Variants in PDLIM5 observed in about 807,000 individuals in gnomAD.
PDLIM5 encodes PDZ and LIM domain 5.
Under a neutral mutation model 64.2 loss-of-function variants are expected in PDLIM5, and 34 were observed. The ratio of observed to expected loss-of-function variants is 0.53; its 90% CI spans 0.40 to 0.71. The LOEUF is 0.71. Ranked by LOEUF, PDLIM5 falls within the 30% of genes least tolerant of loss-of-function variation. The probability of loss-of-function intolerance (pLI) is 0.00; values close to 1 mark genes in which losing one functional copy is unlikely to be tolerated. For missense variants in PDLIM5, 683 were observed against 733.6 expected (o/e 0.93, Z 0.80); for synonymous variants, 253 against 269.1 (o/e 0.94, Z 0.59).
intron 3 of PDLIM5, among the ~76,000 whole-genome samples, chr4:94,546,536 G>T (rs1732334311): frequency 6.6e-6 from 1 of 152,084 alleles, no homozygotes; most frequent in South Asian, 2.1e-4. Context: ...GTTCCAAACA[G>T]ATTCTTTTTC....
chr4:94,603,687 G>A (rs10034824), intron 7 of PDLIM5, among the ~76,000 whole-genome samples: 18 of 151,978 alleles, frequency 1.2e-4, no homozygotes, highest in African/African-American at 4.3e-4. Context: ...ATGTGTGTGC[G>A]CACGCGCGCG....
chr4:94,663,769 A>G (rs1375965242), intron 12 of PDLIM5, among the ~76,000 whole-genome samples: 1 of 152,238 alleles, frequency 6.6e-6, no homozygotes, highest in Non-Finnish European at 1.5e-5. Flanking sequence ...AATACATTCT[A>G]GGAAAAAGCA....
chr4:94,573,329 TTTTC>T lies in PDLIM5; in HGVS notation c.249-14_249-11del, dbSNP rs1734963581. The stretch of plus-strand genomic sequence containing the variant: ...TAAAAATTCATTATTTTTTTTTTCT[TTTTC>T]TTTCTTTTTTTCCTCAGAGCATCTG... On this transcript the variant is annotated intron_variant, in intron 3 of 12. Transcript: ENST00000317968. 1.3e-6 allele frequency: 2 copies of T among 1,596,898 alleles called. No individual in the cohort carries two copies. The highest frequency in any genetic ancestry group is 2.7e-5 in the African/African-American group (2 of 74,098).
intron 3 of PDLIM5, among the ~76,000 whole-genome samples, chr4:94,553,144 A>G (rs1351785707): frequency 1.3e-5 from 2 of 152,028 alleles, no homozygotes; most frequent in African/African-American, 4.8e-5. Context: ...TATTATTTTG[A>G]GACGGGGTCT....
At chr4:94,610,913 A>T (rs1000886578) in intron 7 of PDLIM5, among the ~76,000 whole-genome samples, 6 of 152,048 alleles carry the variant, frequency 3.9e-5, no homozygotes, top group Admixed American at 3.9e-4. Context: ...ATCTTCTTTC[A>T]TCCTCCTTTG....
chr4:94,529,366 C>T (rs549315019), intron 3 of PDLIM5, among the ~76,000 whole-genome samples: 1 of 152,058 alleles, frequency 6.6e-6, no homozygotes, highest in Non-Finnish European at 1.5e-5. Flanking sequence ...AAGGAGAGAA[C>T]GAAACCCAGT....
intron 7 of PDLIM5, among the ~76,000 whole-genome samples, chr4:94,612,385 A>G (rs1453196308): frequency 6.6e-6 from 1 of 152,206 alleles, no homozygotes; most frequent in Non-Finnish European, 1.5e-5. Context: ...GTGAGTGTTC[A>G]TTGAGCAGAA....
At chr4:94,550,757 G>A (rs1282340672) in intron 3 of PDLIM5, among the ~76,000 whole-genome samples, 2 of 152,064 alleles carry the variant, frequency 1.3e-5, no homozygotes, top group Non-Finnish European at 2.9e-5. Flanking sequence ...TCTGATGTCT[G>A]CAATTAATGA....
intron 3 of PDLIM5, among the ~76,000 whole-genome samples, chr4:94,531,108 A>T (rs1202455238): frequency 6.6e-6 from 1 of 151,922 alleles, no homozygotes; most frequent in Non-Finnish European, 1.5e-5. Context: ...ATTTGAAGTT[A>T]CTTTTTTTTT....
chr4:94,538,428 A>T (rs1342912499), intron 3 of PDLIM5, among the ~76,000 whole-genome samples: 2 of 152,202 alleles, frequency 1.3e-5, no homozygotes, highest in African/African-American at 2.4e-5. Context: ...CTACTGTGAC[A>T]GCTCTGTGAC....
At position 94,575,706 on chromosome 4, in the gene PDLIM5, G is replaced by A. The variant is rs2110284821; in HGVS notation, c.382G>A (p.Ala128Thr). The change falls in exon 5 of 13, where the codon GCA (alanine) becomes ACA (threonine). Residue 128 changes from alanine (A) to threonine (T), a missense_variant. Ala to Thr is a moderately conservative substitution (Grantham distance 58). Coordinates refer to ENST00000317968, the MANE Select transcript of PDLIM5 (RefSeq NM_006457.5). Reference sequence around the variant, plus strand: ...CACAAACAACATGGCCTACAATAAGGCACCACGGCCTTTTGGTTCTGTGTC... The same window carrying A: ...CACAAACAACATGGCCTACAATAAGACACCACGGCCTTTTGGTTCTGTGTC... Reference protein sequence around the residue: ...TSTNNMAYNKAPRPFGSVSSP... With the variant: ...TSTNNMAYNKTPRPFGSVSSP... 2 of 1,613,892 alleles carry A rather than the reference G, an allele frequency of 1.2e-6. No homozygotes were observed. Among genetic ancestry groups the A allele is most frequent in the East Asian group, 2.2e-5 (1 of 44,874 alleles).
At chr4:94,509,838 AT>A (rs1714679371) in intron 2 of PDLIM5, among the ~76,000 whole-genome samples, 1 of 152,164 alleles carries the variant, frequency 6.6e-6, no homozygotes, top group Non-Finnish European at 1.5e-5. Flanking sequence ...TTGGCAGCTG[AT>A]TAGATGGTGC....
chr4:94,568,413 T>A (rs912152341), intron 3 of PDLIM5, among the ~76,000 whole-genome samples: 6 of 152,220 alleles, frequency 3.9e-5, no homozygotes, highest in African/African-American at 1.4e-4. Flanking sequence ...AAACCCTTTA[T>A]TGAAATGGTA....
intron 7 of PDLIM5, chr4:94,611,084 A>C (rs745515619): frequency 7.2e-6 from 11 of 1,534,822 alleles, no homozygotes; most frequent in Middle Eastern, 1.7e-4. Context: ...ACACTCCTGA[A>C]AGATATCACT....
At chr4:94,597,663 G>C (rs986833704) in intron 7 of PDLIM5, among the ~76,000 whole-genome samples, 2 of 151,122 alleles carry the variant, frequency 1.3e-5, no homozygotes, top group African/African-American at 4.9e-5. Flanking sequence ...ACCGCTCAGG[G>C]TATGTAGAGG....
chr4:94,577,243 G>A (rs557173390), intron 5 of PDLIM5: 1 of 457,052 alleles, frequency 2.2e-6, no homozygotes, highest in South Asian at 1.5e-5. Flanking sequence ...AAATACTTGT[G>A]TGGATAGGTC....
intron 9 of PDLIM5, among the ~76,000 whole-genome samples, chr4:94,652,846 A>G (rs1397621578): frequency 6.6e-6 from 1 of 152,116 alleles, no homozygotes; most frequent in African/African-American, 2.4e-5. Flanking sequence ...GGGCTAGAAA[A>G]TACCCTCTTA....
At chr4:94,521,049 G>A (rs1226950018) in intron 2 of PDLIM5, among the ~76,000 whole-genome samples, 1 of 152,148 alleles carries the variant, frequency 6.6e-6, no homozygotes, top group Non-Finnish European at 1.5e-5. Context: ...AAGGCTCTTG[G>A]AGAAGAGCAA....
chr4:94,554,646 C>T (rs1349254886), intron 3 of PDLIM5, among the ~76,000 whole-genome samples: 1 of 152,148 alleles, frequency 6.6e-6, no homozygotes, highest in Non-Finnish European at 1.5e-5. Flanking sequence ...TTGACAAATG[C>T]ATATGATATA....
Sources: allele counts gnomAD v4.1 joint callset (sites outside exome capture counted in the v4.1 genomes callset), GRCh38; gene constraint gnomAD v4.1.1; transcripts MANE v1.5; gene names NCBI Gene and HGNC (gene_info 2026-07-23, HGNC 2026-07-21).